Variants in PDK1 observed in about 807,000 individuals in gnomAD.
PDK1 encodes the protein [Pyruvate dehydrogenase (acetyl-transferring)] kinase isozyme 1, mitochondrial.
In PDK1, 39 loss-of-function variants were observed where a neutral mutation model predicts 54.2. The observed-to-expected ratio is 0.72, with a 90% confidence interval of 0.56 to 0.94. PDK1 has a LOEUF of 0.94. PDK1 is among the 40% of genes least tolerant of loss of function. The pLI is 0.00. For synonymous variants in PDK1, 221 were observed against 207.1 expected, an observed-to-expected ratio of 1.07 and a Z score of -0.58; for missense variants, 552 against 566.0, an observed-to-expected ratio of 0.98 and a Z score of 0.25.
chr2:172,673,960 A>G, the PDK1 span, among the ~76,000 whole-genome samples: 2,591 of 152,356 alleles, frequency 0.017, 71 homozygotes, highest in African/African-American at 0.059. Context: ...AGTTTGCCAC[A>G]AGCCTGCGTT....
chr2:172,624,526 G>A, the PDK1 span, among the ~76,000 whole-genome samples: 6 of 152,036 alleles, frequency 3.9e-5, no homozygotes, highest in South Asian at 2.1e-4. Context: ...ACCATCCCCC[G>A]AACACCATCC....
chr2:172,649,991 C>G, the PDK1 span, among the ~76,000 whole-genome samples: 2 of 152,144 alleles, frequency 1.3e-5, no homozygotes, highest in South Asian at 2.1e-4. Context: ...CAGAGAACGC[C>G]GCAAAGATAC....
the PDK1 span, among the ~76,000 whole-genome samples, chr2:172,680,642 T>C: frequency 6.6e-6 from 1 of 152,196 alleles, no homozygotes; most frequent in Admixed American, 6.5e-5. Context: ...GCTGGGATTA[T>C]AGATGTGTGC....
chr2:172,643,001 T>C, the PDK1 span, among the ~76,000 whole-genome samples: 1 of 152,214 alleles, frequency 6.6e-6, no homozygotes, highest in Admixed American at 6.5e-5. Context: ...GTTTTCATAC[T>C]CAGTGAACTA....
chr2:172,679,437 A>G, the PDK1 span, among the ~76,000 whole-genome samples: 1 of 152,038 alleles, frequency 6.6e-6, no homozygotes, highest in Non-Finnish European at 1.5e-5. Context: ...ACAGGGCAAG[A>G]CTCTGTCTCT....
At chr2:172,716,865 AAC>A in the PDK1 span, among the ~76,000 whole-genome samples, 1 of 152,196 alleles carries the variant, frequency 6.6e-6, no homozygotes, top group African/African-American at 2.4e-5. Context: ...GTTGCTAAGA[AAC>A]AGTTTCTATT....
the PDK1 span, among the ~76,000 whole-genome samples, chr2:172,684,769 A>G: frequency 6.6e-6 from 1 of 152,180 alleles, no homozygotes; most frequent in Non-Finnish European, 1.5e-5. Flanking sequence ...ATGTCCAGTC[A>G]TTCACCAATT....
chr2:172,628,370 A>G, the PDK1 span, among the ~76,000 whole-genome samples: 9 of 152,210 alleles, frequency 5.9e-5, no homozygotes, highest in East Asian at 1.9e-4. Context: ...TTTCAGTTCT[A>G]TAACAGGTTT....
chr2:172,654,832 G>C, the PDK1 span, among the ~76,000 whole-genome samples: 2 of 151,996 alleles, frequency 1.3e-5, no homozygotes, highest in East Asian at 3.9e-4. Context: ...CAAGTCTACG[G>C]CCTCCCTACC....
At chr2:172,566,712 A>AT in intron 5 of PDK1, 144 bp from the exon 6 acceptor site, 1 of 473,074 alleles carries the variant, frequency 2.1e-6, no homozygotes, top group South Asian at 3.4e-5. Context: ...AAAAAAAAAA[A>AT]GCAGACTTTC....
In PDK1 at chr2:172,606,979, T is replaced by A. The variant is rs1305031331; in HGVS notation, c.*11010T>A. On this transcript the variant is annotated 3_prime_UTR_variant, in exon 11 of 11. Transcript: ENST00000282077. ...TTATTCCTGGGATCTTTCTCTACAG[T>A]GGTATGATTATATAAGGGTGGAAAT... 6.6e-6 allele frequency: 1 copy of A among 152,102 alleles called. No individual in the cohort carries two copies. The highest frequency in any genetic ancestry group is 6.6e-5 in the Admixed American group (1 of 15,258). 9.4% of individuals were successfully genotyped at this position (152,102 alleles called of 1,614,324 possible).
chr2:172,639,507 TC>T, the PDK1 span, among the ~76,000 whole-genome samples: 3 of 152,188 alleles, frequency 2.0e-5, no homozygotes, highest in Non-Finnish European at 4.4e-5. Flanking sequence ...CAACCAGAGT[TC>T]TCTATTCTTT....
chr2:172,565,808 C>A (rs912952678), intron 5 of PDK1, among the ~76,000 whole-genome samples: 1 of 152,188 alleles, frequency 6.6e-6, no homozygotes, highest in Non-Finnish European at 1.5e-5. Flanking sequence ...TACAAGTTTA[C>A]AGACATCTTG....
the PDK1 span, among the ~76,000 whole-genome samples, chr2:172,674,028 T>C: frequency 6.6e-6 from 1 of 152,226 alleles, no homozygotes; most frequent in Non-Finnish European, 1.5e-5. Context: ...CAAAATACAC[T>C]CACTATACAT....
At chr2:172,680,348 C>T in the PDK1 span, among the ~76,000 whole-genome samples, 1 of 151,814 alleles carries the variant, frequency 6.6e-6, no homozygotes, top group Non-Finnish European at 1.5e-5. Context: ...TTCTTTCTTT[C>T]TTTTCTTTTC....
At chr2:172,615,658 C>G in the PDK1 span, among the ~76,000 whole-genome samples, 1 of 151,994 alleles carries the variant, frequency 6.6e-6, no homozygotes, top group Non-Finnish European at 1.5e-5. Context: ...AAGCAAAATA[C>G]TGCTTCACCA....
the PDK1 span, among the ~76,000 whole-genome samples, chr2:172,652,492 TAA>T: frequency 6.6e-6 from 1 of 152,078 alleles, no homozygotes; most frequent in South Asian, 2.1e-4. Context: ...GACAAGGAAA[TAA>T]AGGGTATTCA....
chr2:172,642,662 T>G, the PDK1 span, among the ~76,000 whole-genome samples: 1 of 152,198 alleles, frequency 6.6e-6, no homozygotes, highest in African/African-American at 2.4e-5. Flanking sequence ...TCATAGAGAC[T>G]TCCTGACAGG....
the PDK1 span, among the ~76,000 whole-genome samples, chr2:172,694,539 C>G: frequency 6.6e-6 from 1 of 152,120 alleles, no homozygotes; most frequent in Admixed American, 6.5e-5. Context: ...AAGTTTCTTC[C>G]TACATCTCAA....
Sources: gnomAD v4.1 joint callset for allele counts (sites outside exome capture counted in the v4.1 genomes callset) on GRCh38, gnomAD v4.1.1 for gene constraint, MANE v1.5 for transcripts, NCBI Gene and HGNC (gene_info 2026-07-23, HGNC 2026-07-21) for gene names.